The following NDNF variants were observed in gnomAD, a reference collection of about 807,000 sequenced individuals.
NDNF encodes protein NDNF.
In NDNF, 16 loss-of-function variants were observed where a neutral mutation model predicts 42.0. The observed-to-expected ratio is 0.38, with a 90% CI of 0.26 to 0.58. The LOEUF (loss-of-function observed/expected upper bound fraction) is 0.58, where lower values mean the gene tolerates loss of function less well. Ranked by LOEUF, NDNF falls within the 20% of genes least tolerant of loss-of-function variation. The pLI, the probability that NDNF is intolerant of heterozygous loss-of-function variation, is 0.67. For synonymous variants in NDNF, 248 were observed against 251.7 expected (o/e 0.99, Z 0.14); for missense variants, 616 against 666.2 (o/e 0.92, Z 0.83).
At chr4:121,063,346 T>C (rs1176928447) in intron 1 of NDNF, among the ~76,000 whole-genome samples, 1 of 152,218 alleles carries the variant, frequency 6.6e-6, no homozygotes, top group Non-Finnish European at 1.5e-5. Flanking sequence ...ATTTTCTTAT[T>C]GGGCTCTATT....
chr4:121,060,820 CA>C (rs573094267), intron 1 of NDNF, among the ~76,000 whole-genome samples: 4 of 152,312 alleles, frequency 2.6e-5, no homozygotes, highest in African/African-American at 9.6e-5. Context: ...AGGTCCCCAG[CA>C]GTTCTTTTGA....
At chr4:121,045,109 T>G (rs1190183095) in intron 2 of NDNF, among the ~76,000 whole-genome samples, 2 of 152,230 alleles carry the variant, frequency 1.3e-5, no homozygotes, top group Admixed American at 1.3e-4. Flanking sequence ...TCCCAGCATT[T>G]TGGGCGGCCA....
intron 1 of NDNF, among the ~76,000 whole-genome samples, chr4:121,063,165 A>G (rs1012923860): frequency 1.3e-5 from 2 of 152,192 alleles, no homozygotes; most frequent in Non-Finnish European, 2.9e-5. Flanking sequence ...CATAATTAAC[A>G]TTATAATGGA....
At chr4:121,066,640 G>C (rs1727504265) in intron 1 of NDNF, among the ~76,000 whole-genome samples, 1 of 152,124 alleles carries the variant, frequency 6.6e-6, no homozygotes, top group African/African-American at 2.4e-5. Context: ...AACAGTCATG[G>C]TGATTTCAAA....
intron 2 of NDNF, among the ~76,000 whole-genome samples, chr4:121,044,016 C>T (rs6832603): frequency 0.48 from 72,771 of 152,036 alleles, 20,471 homozygotes; most frequent in East Asian, 0.64. Flanking sequence ...GCCTTCACTC[C>T]CATGAATGTC....
At chr4:121,046,058 TA>T (rs1384898891) in intron 1 of NDNF, among the ~76,000 whole-genome samples, 1 of 152,188 alleles carries the variant, frequency 6.6e-6, no homozygotes, top group Non-Finnish European at 1.5e-5. Flanking sequence ...TTTCAGACAT[TA>T]AAAAGATTTT....
At chr4:121,047,361 C>T (rs550599037) in intron 1 of NDNF, among the ~76,000 whole-genome samples, 1 of 152,324 alleles carries the variant, frequency 6.6e-6, no homozygotes, top group South Asian at 2.1e-4. Context: ...GTGCAAAGCA[C>T]TGTTCTAAGT....
At chr4:121,068,662 T>C (rs536522260) in intron 1 of NDNF, among the ~76,000 whole-genome samples, 1 of 152,134 alleles carries the variant, frequency 6.6e-6, no homozygotes, top group East Asian at 1.9e-4. Context: ...CTACTATAGG[T>C]GTATAGGTCC....
chr4:121,040,015 T>C lies in NDNF; in HGVS notation c.228A>G (p.Ser76=). The C allele has an allele frequency of 6.2e-7, 1 of 1,613,872 alleles. No individual in the cohort carries two copies. Among genetic ancestry groups the C allele is most frequent in the Non-Finnish European group, 8.5e-7 (1 of 1,179,790 alleles). The change falls in exon 3 of 4, where the codon TCA becomes TCG. Residue 76 remains serine (S), a synonymous_variant. Coordinates refer to ENST00000379692, the MANE Select transcript of NDNF (RefSeq NM_024574.4). ...GCGCATCACAGGGCGTCACTGTGAC[T>C]GATAATGGAGTATTGTCTTCTTCAA... The part of the protein sequence containing the change: ...FVVEEDNTPL[S]VTVTPCDAPL...
chr4:121,071,047 C>T (rs1471320046), intron 1 of NDNF, among the ~76,000 whole-genome samples: 2 of 152,200 alleles, frequency 1.3e-5, no homozygotes, highest in Non-Finnish European at 2.9e-5. Flanking sequence ...CGAAACCGCA[C>T]TCCAAATTCA....
intron 1 of NDNF, among the ~76,000 whole-genome samples, chr4:121,059,117 A>T (rs1305310260): frequency 6.6e-6 from 1 of 152,160 alleles, no homozygotes; most frequent in Non-Finnish European, 1.5e-5. Flanking sequence ...AGTCCTCAAC[A>T]ATGACAGAAA....
intron 1 of NDNF, among the ~76,000 whole-genome samples, chr4:121,065,955 G>A (rs1727492449): frequency 6.6e-6 from 1 of 151,844 alleles, no homozygotes; most frequent in Non-Finnish European, 1.5e-5. Flanking sequence ...ATTAATTAAT[G>A]TAAAAGTTAA....
At chr4:121,056,049 T>A (rs1461021575) in intron 1 of NDNF, among the ~76,000 whole-genome samples, 3 of 152,198 alleles carry the variant, frequency 2.0e-5, no homozygotes, top group Non-Finnish European at 4.4e-5. Context: ...TTGGTATATG[T>A]GACCAGACCT....
chr4:121,046,510 TG>T (rs1241292023), intron 1 of NDNF, among the ~76,000 whole-genome samples: 1 of 152,226 alleles, frequency 6.6e-6, no homozygotes, highest in African/African-American at 2.4e-5. Flanking sequence ...TTAAGCAATT[TG>T]TCCAGAATCA....
At position 121,036,196 on chromosome 4, in the gene NDNF, A is replaced by T. The variant is rs1323974414; in HGVS notation, c.*68T>A. The T allele has an allele frequency of 3.1e-6, 4 of 1,277,986 alleles. No individual in the cohort carries two copies. The highest frequency in any genetic ancestry group is 4.4e-6 in the Non-Finnish European group (4 of 917,448). The allele number at this position is 1,277,986 out of a possible 1,614,324, so 79.2% of individuals were successfully genotyped here. Reference sequence around the variant, plus strand: ...ACTTCTCTCAACTGTGGGAGTAGTCAGTTTATACTTAAAGTGATTTAATGT... The same window carrying T: ...ACTTCTCTCAACTGTGGGAGTAGTCTGTTTATACTTAAAGTGATTTAATGT... On this transcript the variant is annotated 3_prime_UTR_variant, in exon 4 of 4. Coordinates refer to ENST00000379692, the MANE Select transcript of NDNF (RefSeq NM_024574.4).
At chr4:121,060,419 G>A (rs1258533077) in intron 1 of NDNF, among the ~76,000 whole-genome samples, 1 of 152,060 alleles carries the variant, frequency 6.6e-6, no homozygotes, top group African/African-American at 2.4e-5. Flanking sequence ...GGCTTCAAGA[G>A]ATCCTCCTGC....
chr4:121,039,170 T>TAG lies in NDNF; in HGVS notation c.313+759_313+760insCT, dbSNP rs1726939240. ...GTATATATATATGTATATATATATATAAAGACTATGTGTGTGTGTGTGTAT... is the reference window on the plus strand; with the variant it reads ...GTATATATATATGTATATATATATATAGAAAGACTATGTGTGTGTGTGTGTAT... On this transcript the variant is annotated intron_variant, in intron 3 of 3. Transcript: ENST00000379692. Among the ~76,000 whole-genome samples, 6 of 42,584 alleles carry TAG rather than the reference T, an allele frequency of 1.4e-4. No individual in the cohort carries two copies. The Admixed American group carries it at 2.1e-3, about 15-fold the overall frequency. 27.9% of individuals were successfully genotyped at this position (42,584 alleles called of 152,430 possible).
At position 121,037,138 on chromosome 4, in the gene NDNF, C is replaced by T. The variant is rs139074901; in HGVS notation, c.833G>A (p.Arg278His). ...AACCTTGGGCCTGGAGTAGACATGA[C>T]GCCCCAGTTTTGGAGAAGGCTTTGC... is the stretch of plus-strand genomic sequence containing the variant. ...FQAKPSPKLG[R>H]HVYSRPKVDI... is the part of the protein sequence containing the mutation. Residue 278 changes from arginine to histidine, a missense_variant, in exon 4 of 4, where the codon CGT becomes CAT. By Grantham distance (29) the Arg-to-His change is conservative. Transcript: ENST00000379692. The T allele has an allele frequency of 2.9e-5, 46 of 1,613,806 alleles. No homozygotes were observed. The highest frequency in any genetic ancestry group is 3.3e-4 in the Middle Eastern group (2 of 6,084).
At chr4:121,054,501 G>C (rs1256257766) in intron 1 of NDNF, among the ~76,000 whole-genome samples, 2 of 152,162 alleles carry the variant, frequency 1.3e-5, no homozygotes, top group African/African-American at 2.4e-5. Flanking sequence ...ATTAAAATAG[G>C]CTTCTGTGAA....
Sources: allele counts gnomAD v4.1 joint callset (sites outside exome capture counted in the v4.1 genomes callset), GRCh38; gene constraint gnomAD v4.1.1; transcripts MANE v1.5; gene names NCBI Gene and HGNC (gene_info 2026-07-23, HGNC 2026-07-21).